EHMT1: variants seen among roughly 807,000 people sequenced by gnomAD.
EHMT1 encodes euchromatic histone lysine methyltransferase 1.
EHMT1 carries 15 observed loss-of-function variants against 147.2 expected under a neutral mutation model. The ratio of observed to expected loss-of-function variants is 0.10; its 90% CI spans 0.07 to 0.16. The LOEUF is 0.16. EHMT1 is among the 10% of genes least tolerant of loss of function. The pLI is 1.00. For synonymous variants in EHMT1, 795 were observed against 709.6 expected, an observed-to-expected ratio of 1.12 and a Z score of -1.91; for missense variants, 1,587 against 1,772.4, an observed-to-expected ratio of 0.90 and a Z score of 1.88.
At chr9:137,709,938 C>T (rs1944552517) in intron 1 of EHMT1, among the ~76,000 whole-genome samples, 1 of 152,144 alleles carries the variant, frequency 6.6e-6, no homozygotes, top group South Asian at 2.1e-4. Flanking sequence ...CCTGACAGCT[C>T]CCACTTGCAG....
chr9:137,681,943 GTTTT>G (rs113188954), intron 1 of EHMT1, among the ~76,000 whole-genome samples: 1 of 151,270 alleles, frequency 6.6e-6, no homozygotes, highest in Non-Finnish European at 1.5e-5. Context: ...CGGTTTTTGT[GTTTT>G]TTTGTTTGTT....
intron 1 of EHMT1, among the ~76,000 whole-genome samples, chr9:137,702,816 C>A (rs758008088): frequency 8.5e-5 from 13 of 152,268 alleles, no homozygotes; most frequent in Non-Finnish European, 1.8e-4. Context: ...AAGCTTCTGT[C>A]TGGACATCTG....
intron 1 of EHMT1, among the ~76,000 whole-genome samples, chr9:137,703,331 A>T (rs1371220996): frequency 1.3e-5 from 2 of 152,174 alleles, no homozygotes; most frequent in African/African-American, 4.8e-5. Context: ...TCCCTGAAAA[A>T]TGTGCTTTTT....
chr9:137,742,289 TTGTGTGTGTG>T (rs56080406), intron 4 of EHMT1, among the ~76,000 whole-genome samples: 170 of 135,164 alleles, frequency 1.3e-3, no homozygotes, highest in Middle Eastern at 3.6e-3. Flanking sequence ...AGAACCAAAT[TTGTGTGTGTG>T]TGTGTGTGTG....
At chr9:137,654,039 G>C (rs1417574493) in intron 1 of EHMT1, among the ~76,000 whole-genome samples, 1 of 152,164 alleles carries the variant, frequency 6.6e-6, no homozygotes, top group Non-Finnish European at 1.5e-5. Flanking sequence ...ACTGTTTGCT[G>C]AAAAGATTCT....
chr9:137,712,130 C>T (rs562102262), intron 2 of EHMT1, among the ~76,000 whole-genome samples: 1 of 152,334 alleles, frequency 6.6e-6, no homozygotes, highest in Admixed American at 6.5e-5. Flanking sequence ...TGTACTTTGG[C>T]CCCTTCCTGT....
intron 1 of EHMT1, among the ~76,000 whole-genome samples, chr9:137,669,363 A>T (rs1249317673): frequency 4.9e-3 from 89 of 18,206 alleles, no homozygotes; most frequent in South Asian, 9.3e-3. Context: ...AGACGCTCCC[A>T]CAGCACGTGC....
intron 25 of EHMT1, among the ~76,000 whole-genome samples, chr9:137,822,663 G>A (rs978404520): frequency 3.0e-4 from 45 of 152,128 alleles, no homozygotes; most frequent in African/African-American, 8.0e-4. Context: ...GGAAGGCCGA[G>A]GCGGGCGGAT....
intron 16 of EHMT1, among the ~76,000 whole-genome samples, chr9:137,797,473 C>G (rs1317695003): frequency 6.6e-6 from 1 of 152,148 alleles, no homozygotes; most frequent in Non-Finnish European, 1.5e-5. Flanking sequence ...TGCCCAAGGT[C>G]TCTGCCAGGT....
Position 137,813,133 on chromosome 9 carries a change from G to T in EHMT1, c.2995G>T (p.Ala999Ser). ...LQMSKALQDS[A>S]PDRPSPVERI... Reference sequence around the variant, plus strand: ...GATGAGCAAGGCTCTGCAGGACTCGGCCCCCGACAGGCCCAGCCCCGTGGA... The same window carrying T: ...GATGAGCAAGGCTCTGCAGGACTCGTCCCCCGACAGGCCCAGCCCCGTGGA... The change falls in exon 20 of 27, where the codon GCC becomes TCC. Residue 999 changes from alanine (A) to serine (S), a missense_variant. This residue lies in a region of EHMT1 where 78 missense variants were observed against 68.9 expected (regional missense o/e 1.13). Transcript: ENST00000460843. This position sits in a 1 kb window ranked among gnomAD's most constrained non-coding sequence, Gnocchi z 4.9. 6.2e-7 allele frequency: 1 copy of T among 1,612,146 alleles called. No individual in the cohort carries two copies.
chr9:137,770,907 C>T (rs916190837), intron 10 of EHMT1, among the ~76,000 whole-genome samples: 1 of 152,172 alleles, frequency 6.6e-6, no homozygotes, highest in African/African-American at 2.4e-5. Flanking sequence ...TGTTTGTTTT[C>T]CTTAGAGCTA....
intron 1 of EHMT1, among the ~76,000 whole-genome samples, chr9:137,668,491 G>A (rs1939957399): frequency 6.6e-6 from 1 of 152,028 alleles, no homozygotes; most frequent in Admixed American, 6.6e-5. Flanking sequence ...ACATATTAAT[G>A]ACTTACTATA....
At chr9:137,643,561 G>T (rs910641218) in intron 1 of EHMT1, among the ~76,000 whole-genome samples, 7 of 152,034 alleles carry the variant, frequency 4.6e-5, no homozygotes, top group Admixed American at 3.9e-4. Context: ...TGTTAGCCAA[G>T]ATGGTCTGGA....
rs373882634 is a variant in EHMT1, at chr9:137,800,850, C to T, written c.2608-30C>T. 4.2e-5 allele frequency: 68 copies of T among 1,603,984 alleles called. No individual in the cohort carries two copies. The highest frequency in any genetic ancestry group is 4.1e-4 in the South Asian group (37 of 90,716). ...CTCTGGTGGTTGCCGGTCTCTGGAG[C>T]GATGACAGCTTTGTCCTCTTCCCTG... On this transcript the variant is annotated intron_variant, in intron 17 of 26. Coordinates refer to ENST00000460843, the MANE Select transcript of EHMT1 (RefSeq NM_024757.5).
At chr9:137,644,979 C>T (rs1473891094) in intron 1 of EHMT1, among the ~76,000 whole-genome samples, 3 of 152,050 alleles carry the variant, frequency 2.0e-5, no homozygotes, top group African/African-American at 7.2e-5. Flanking sequence ...TTCAAGTGAT[C>T]CTCCTGCCTC....
intron 1 of EHMT1, among the ~76,000 whole-genome samples, chr9:137,634,381 GTTTGTTGAAAAGAC>G (rs1183699366): frequency 1.3e-5 from 2 of 152,160 alleles, no homozygotes; most frequent in Middle Eastern, 3.2e-3. Context: ...GCTCAGCAGC[GTTTGTTGAAAAGAC>G]CATGCTTTCC....
At chr9:137,740,436 C>T (rs1021798356) in intron 4 of EHMT1, among the ~76,000 whole-genome samples, 4 of 152,110 alleles carry the variant, frequency 2.6e-5, no homozygotes, top group Non-Finnish European at 2.9e-5. Flanking sequence ...AAGAGGCCCT[C>T]GAGCCTCTTC....
intron 10 of EHMT1, among the ~76,000 whole-genome samples, chr9:137,767,303 A>G (rs559698535): frequency 6.6e-6 from 1 of 152,156 alleles, no homozygotes; most frequent in Non-Finnish European, 1.5e-5. Context: ...TATCTAACAT[A>G]GTCACGTGCT....
chr9:137,635,624 T>G (rs1025295068), intron 1 of EHMT1, among the ~76,000 whole-genome samples: 1 of 151,112 alleles, frequency 6.6e-6, no homozygotes, highest in Non-Finnish European at 1.5e-5. Context: ...ATCGAGACCA[T>G]CCTGGCTAAC....
Sources: allele counts gnomAD v4.1 joint callset (sites outside exome capture counted in the v4.1 genomes callset), GRCh38; gene constraint gnomAD v4.1.1; regional missense constraint gnomAD v4.1.1; non-coding constraint Gnocchi (gnomAD v3.1); transcripts MANE v1.5; gene names NCBI Gene and HGNC (gene_info 2026-07-23, HGNC 2026-07-21).